Variants in FNDC3B observed in about 807,000 individuals in gnomAD.
FNDC3B encodes fibronectin type III domain-containing protein 3B.
Under a neutral mutation model 151.5 loss-of-function variants are expected in FNDC3B, and 12 were observed. The observed-to-expected ratio is 0.08, with a 90% CI of 0.05 to 0.13. The LOEUF is 0.13. Ranked by LOEUF, FNDC3B falls within the 10% of genes least tolerant of loss-of-function variation. The probability of loss-of-function intolerance (pLI) is 1.00; values close to 1 mark genes in which losing one functional copy is unlikely to be tolerated. For synonymous variants in FNDC3B, 528 were observed against 549.0 expected (o/e 0.96, Z 0.54); for missense variants, 1,214 against 1,505.3 (o/e 0.81, Z 3.20).
Position 172,344,187 on chromosome 3 carries a change from G to A in FNDC3B, c.2179G>A (p.Glu727Lys). Residue 727 changes from glutamate to lysine, a missense_variant, in exon 19 of 26, where the codon GAG (glutamate) becomes AAG (lysine). By Grantham distance (56) the Glu-to-Lys change is moderately conservative (BLOSUM62 1). This residue lies in a region of FNDC3B where 380 missense variants were observed against 420.9 expected (regional missense o/e 0.90). Transcript: ENST00000415807. ...ASEVYHGPELECTVGNLLPGT... is the reference protein window; with the variant it reads ...ASEVYHGPELKCTVGNLLPGT... ...GGAAGTGTACCATGGCCCAGAGCTG[G>A]AGTGCACCGTCGGCAACCTGCTTCC... is the stretch of plus-strand genomic sequence containing the variant. 6.2e-7 allele frequency: 1 copy of A among 1,614,168 alleles called. No individual in the cohort carries two copies. The highest frequency in any genetic ancestry group is 8.5e-7 in the Non-Finnish European group (1 of 1,180,008).
intron 6 of FNDC3B, among the ~76,000 whole-genome samples, chr3:172,256,717 A>G (rs1728362561): frequency 6.6e-6 from 1 of 152,222 alleles, no homozygotes; most frequent in Non-Finnish European, 1.5e-5. Flanking sequence ...TCAGCCAGTT[A>G]TAGCCCCTCA....
chr3:172,365,641 T>C (rs1050343162), intron 23 of FNDC3B, among the ~76,000 whole-genome samples: 3 of 152,174 alleles, frequency 2.0e-5, no homozygotes, highest in Non-Finnish European at 4.4e-5. Flanking sequence ...CTATTCTGGC[T>C]TACAATACTG....
intron 6 of FNDC3B, among the ~76,000 whole-genome samples, chr3:172,253,371 G>A (rs1728178062): frequency 6.6e-6 from 1 of 152,196 alleles, no homozygotes; most frequent in Non-Finnish European, 1.5e-5. Context: ...ACATAGTGTA[G>A]ACGAAGAATA....
At chr3:172,317,475 C>T (rs1374455080) in intron 11 of FNDC3B, among the ~76,000 whole-genome samples, 2 of 152,130 alleles carry the variant, frequency 1.3e-5, no homozygotes, top group Admixed American at 6.5e-5. Context: ...TGAGCCACCA[C>T]GCCCGGCCGG....
chr3:172,127,884 C>G (rs1365340812), intron 2 of FNDC3B, among the ~76,000 whole-genome samples: 1 of 152,130 alleles, frequency 6.6e-6, no homozygotes, highest in Non-Finnish European at 1.5e-5. Flanking sequence ...TCTCTAACTC[C>G]TGATGTCAAG....
chr3:172,151,206 C>T (rs1439845441), intron 3 of FNDC3B, among the ~76,000 whole-genome samples: 1 of 152,230 alleles, frequency 6.6e-6, no homozygotes, highest in African/African-American at 2.4e-5. Flanking sequence ...CAGACACACA[C>T]ACTCTGTATG....
chr3:172,346,525 C>A, intron 20 of FNDC3B, 85 bp downstream of exon 20: 1 of 740,368 alleles, frequency 1.4e-6, no homozygotes. Context: ...AGCTGCAAAT[C>A]CAAAATGCAC....
At chr3:172,123,970 T>C (rs771489876) in intron 2 of FNDC3B, among the ~76,000 whole-genome samples, 1 of 152,236 alleles carries the variant, frequency 6.6e-6, no homozygotes, top group Non-Finnish European at 1.5e-5. Flanking sequence ...GACATTATCC[T>C]TTCATAGATC....
intron 3 of FNDC3B, among the ~76,000 whole-genome samples, chr3:172,190,514 T>C (rs989587535): frequency 6.6e-6 from 1 of 152,186 alleles, no homozygotes; most frequent in South Asian, 2.1e-4. Flanking sequence ...TTTTCAAATT[T>C]TGCCCTTGTA....
intron 9 of FNDC3B, 45 bp from the exon 10 acceptor site, chr3:172,307,318 T>C: frequency 6.2e-7 from 1 of 1,607,750 alleles, no homozygotes; most frequent in Non-Finnish European, 8.5e-7. Context: ...ATCCTGGTCT[T>C]CTATGATGAG....
At chr3:172,289,190 A>G (rs969730892) in intron 7 of FNDC3B, among the ~76,000 whole-genome samples, 1 of 152,118 alleles carries the variant, frequency 6.6e-6, no homozygotes, top group African/African-American at 2.4e-5. Context: ...TGCCTTTTCC[A>G]GTTTCTAAAG....
At chr3:172,222,648 C>T (rs901827677) in intron 3 of FNDC3B, among the ~76,000 whole-genome samples, 2 of 152,142 alleles carry the variant, frequency 1.3e-5, no homozygotes, top group African/African-American at 2.4e-5. Context: ...CTAGATCCCT[C>T]TTCACGATAG....
At chr3:172,366,617 G>A (rs1560102117) in intron 23 of FNDC3B, among the ~76,000 whole-genome samples, 2 of 152,214 alleles carry the variant, frequency 1.3e-5, no homozygotes, top group Non-Finnish European at 2.9e-5. Flanking sequence ...GGAACTCACA[G>A]TCTGGTGGGT....
At chr3:172,187,979 A>T (rs1347412904) in intron 3 of FNDC3B, among the ~76,000 whole-genome samples, 1 of 138,434 alleles carries the variant, frequency 7.2e-6, no homozygotes, top group Non-Finnish European at 1.5e-5. Context: ...TTTAAATTCC[A>T]TTTTTATATT....
Position 172,088,734 on chromosome 3 carries a change from T to C in FNDC3B, c.-28-23718T>C, listed in dbSNP as rs150223196. The stretch of plus-strand genomic sequence containing the variant: ...TATAAATAAAAAGATAAATTTTACA[T>C]AGTGAAATCTAAAAAAGAAATGCAA... On this transcript the variant is annotated intron_variant, in intron 1 of 25. Coordinates refer to ENST00000415807, the MANE Select transcript of FNDC3B (RefSeq NM_022763.4). 7.7e-4 allele frequency among the ~76,000 whole-genome samples: 118 copies of C among 152,310 alleles called. 2 individuals carry two copies. Among genetic ancestry groups the C allele is most frequent in the Middle Eastern group, 3.4e-3 (1 of 294 alleles).
chr3:172,217,639 G>A (rs1399669013), intron 3 of FNDC3B, among the ~76,000 whole-genome samples: 1 of 105,650 alleles, frequency 9.5e-6, no homozygotes, highest in Non-Finnish European at 2.2e-5. Context: ...CACAATAAGT[G>A]TATAGGGTTT....
At chr3:172,333,636 G>T (rs1028912880) in intron 14 of FNDC3B, among the ~76,000 whole-genome samples, 1 of 151,766 alleles carries the variant, frequency 6.6e-6, no homozygotes, top group African/African-American at 2.4e-5. Context: ...GAGCCACTGC[G>T]CCTGGCCCAT....
At chr3:172,290,320 T>C (rs1429379562) in intron 7 of FNDC3B, among the ~76,000 whole-genome samples, 1 of 152,204 alleles carries the variant, frequency 6.6e-6, no homozygotes, top group Non-Finnish European at 1.5e-5. Flanking sequence ...TAGTTTCATT[T>C]AAATTTTATT....
intron 7 of FNDC3B, among the ~76,000 whole-genome samples, chr3:172,291,365 C>A (rs182777062): frequency 9.2e-5 from 14 of 152,288 alleles, no homozygotes; most frequent in Non-Finnish European, 2.9e-5. Flanking sequence ...TTAAATAATT[C>A]ATATGCAGAC....
Sources: allele counts gnomAD v4.1 joint callset (sites outside exome capture counted in the v4.1 genomes callset), GRCh38; gene constraint gnomAD v4.1.1; regional missense constraint gnomAD v4.1.1; transcripts MANE v1.5; gene names NCBI Gene and HGNC (gene_info 2026-07-23, HGNC 2026-07-21).